XK: variants seen among roughly 807,000 people sequenced by gnomAD.
XK encodes endoplasmic reticulum membrane adapter protein XK.
Under a neutral mutation model 14.0 loss-of-function variants are expected in XK, and 2 were observed. That is an observed-to-expected ratio of 0.14 (90% CI 0.06 to 0.45). XK has a LOEUF of 0.45. Among genes scored for constraint, XK ranks in the 20% least tolerant of loss-of-function variants. XK has a pLI of 0.98. For missense variants in XK, 235 were observed against 341.5 expected (o/e 0.69, Z 2.46); for synonymous variants, 149 against 147.5 (o/e 1.01, Z -0.08).
At chrX:37,723,708 A>G (rs73631200) in intron 2 of XK, among the ~76,000 whole-genome samples, 3,683 of 111,306 alleles carry the variant, frequency 0.033, 150 homozygotes, top group African/African-American at 0.11. Flanking sequence ...ATATAACAAT[A>G]TAAATACTGT....
Position 37,727,794 on chromosome X carries a change from G to T in XK, c.667G>T (p.Val223Phe). 8.3e-7 allele frequency: 1 copy of T among 1,211,338 alleles called. No homozygotes were observed. The change falls in exon 3 of 3, where the codon GTT becomes TTT. Residue 223 changes from valine (V) to phenylalanine (F), a missense_variant. Val to Phe is a conservative substitution (Grantham distance 50). Transcript: ENST00000378616. ...LWRSFEIATR[V>F]VVLVLFTSVL... is the part of the protein sequence containing the mutation. ...GAGGAGCTTTGAGATTGCCACTCGAGTTGTAGTCCTGGTCCTCTTTACCTC... is the reference window on the plus strand; with the variant it reads ...GAGGAGCTTTGAGATTGCCACTCGATTTGTAGTCCTGGTCCTCTTTACCTC...
intron 2 of XK, among the ~76,000 whole-genome samples, chrX:37,727,050 T>C (rs984050423): frequency 9.0e-6 from 1 of 111,628 alleles, no homozygotes; most frequent in East Asian, 2.8e-4. Flanking sequence ...AAACACACCA[T>C]GTAAAGGACT....
At chrX:37,693,503 A>G (rs377373074) in intron 1 of XK, among the ~76,000 whole-genome samples, 1,147 of 8,585 alleles carry the variant, frequency 0.13, 15 homozygotes, top group African/African-American at 0.3. Context: ...GTGTGTGTGT[A>G]TGTACTTCAA....
intron 2 of XK, among the ~76,000 whole-genome samples, chrX:37,715,826 A>G (rs2146827717): frequency 8.9e-6 from 1 of 111,845 alleles, no homozygotes; most frequent in South Asian, 3.8e-4. Context: ...TTAAGTCTAC[A>G]AGACTTGAAG....
intron 2 of XK, among the ~76,000 whole-genome samples, chrX:37,702,018 A>G (rs1927427208): frequency 1.8e-5 from 2 of 112,131 alleles, no homozygotes; most frequent in Non-Finnish European, 3.8e-5. Context: ...CCTGAGAATG[A>G]AGGAAATAGC....
chrX:37,731,116 G>A lies in XK; in HGVS notation c.*2654G>A, dbSNP rs1434466317. 1 of 112,207 alleles carries A rather than the reference G, an allele frequency of 8.9e-6. No homozygotes were observed. Among genetic ancestry groups the A allele is most frequent in the African/African-American group, 3.2e-5 (1 of 30,866 alleles). 9.2% of individuals were successfully genotyped at this position (112,207 alleles called of 1,213,427 possible). ...AATTGGCAAAATTACAGTTCACACT[G>A]CAGAGCTAGGTTGTCCTATTGGCAT... On this transcript the variant is annotated 3_prime_UTR_variant, in exon 3 of 3. Coordinates refer to ENST00000378616, the MANE Select transcript of XK (RefSeq NM_021083.4).
chrX:37,707,721 A>G (rs1343454993), intron 2 of XK, among the ~76,000 whole-genome samples: 2 of 108,136 alleles, frequency 1.8e-5, no homozygotes, highest in African/African-American at 6.8e-5. Context: ...CACTTCTCAG[A>G]GTGGGCAGCC....
intron 2 of XK, among the ~76,000 whole-genome samples, chrX:37,716,387 G>A (rs1329031333): frequency 1.8e-5 from 2 of 112,273 alleles, no homozygotes; most frequent in African/African-American, 6.5e-5. Context: ...TTTGAAAAGA[G>A]GGAAGGGAAG....
In XK at chrX:37,730,821, A is replaced by G. The variant is rs1928071859; in HGVS notation, c.*2359A>G. 8.9e-6 allele frequency: 1 copy of G among 112,461 alleles called. No homozygotes were observed. Among genetic ancestry groups the G allele is most frequent in the Non-Finnish European group, 1.9e-5 (1 of 53,307 alleles). The allele number at this position is 112,461 out of a possible 1,213,427, so 9.3% of individuals were successfully genotyped here. ...TCTAAATCACTTTAATTTAGAAGAT[A>G]GGTGAGCAACTTGAGTGATCCCAAA... On this transcript the variant is annotated 3_prime_UTR_variant, in exon 3 of 3. Coordinates refer to ENST00000378616, the MANE Select transcript of XK (RefSeq NM_021083.4).
At chrX:37,708,218 G>A (rs1476442590) in intron 2 of XK, among the ~76,000 whole-genome samples, 2 of 111,397 alleles carry the variant, frequency 1.8e-5, no homozygotes, top group Non-Finnish European at 3.8e-5. Context: ...GAGGGAGACC[G>A]TGGGGAGAGG....
chrX:37,725,253 A>G (rs1277309735), intron 2 of XK, among the ~76,000 whole-genome samples: 1 of 111,801 alleles, frequency 8.9e-6, no homozygotes, highest in East Asian at 2.8e-4. Flanking sequence ...GAGATCTAAT[A>G]TACAGCATGG....
At chrX:37,695,095 G>T (rs1927283839) in intron 2 of XK, among the ~76,000 whole-genome samples, 1 of 112,249 alleles carries the variant, frequency 8.9e-6, no homozygotes, top group Admixed American at 9.4e-5. Context: ...TCAAGGGAGA[G>T]GAGAGGGAAG....
intron 1 of XK, among the ~76,000 whole-genome samples, chrX:37,687,221 A>C (rs936515696): frequency 9.3e-6 from 1 of 107,191 alleles, no homozygotes; most frequent in Non-Finnish European, 1.9e-5. Flanking sequence ...ACACACACAC[A>C]CACACGCACA....
At chrX:37,699,660 G>T (rs1422752101) in intron 2 of XK, among the ~76,000 whole-genome samples, 1 of 112,329 alleles carries the variant, frequency 8.9e-6, no homozygotes, top group Non-Finnish European at 1.9e-5. Flanking sequence ...GTATACTGAA[G>T]ACAGGACAAT....
intron 2 of XK, among the ~76,000 whole-genome samples, chrX:37,711,369 T>G (rs1334023575): frequency 2.7e-5 from 3 of 112,324 alleles, no homozygotes; most frequent in Admixed American, 9.4e-5. Flanking sequence ...TCTTCCTTTG[T>G]GCCTCAGGTC....
At chrX:37,691,831 A>C (rs1927209079) in intron 1 of XK, among the ~76,000 whole-genome samples, 1 of 111,819 alleles carries the variant, frequency 8.9e-6, no homozygotes, top group Non-Finnish European at 1.9e-5. Context: ...GTTTCCTCAC[A>C]AAAAATAAAA....
intron 2 of XK, among the ~76,000 whole-genome samples, chrX:37,724,545 C>T (rs1002875031): frequency 9.0e-6 from 1 of 111,290 alleles, no homozygotes; most frequent in Admixed American, 9.5e-5. Flanking sequence ...TATAAAATTC[C>T]TAGAAGATAA....
intron 1 of XK, among the ~76,000 whole-genome samples, chrX:37,687,080 C>T (rs1223970394): frequency 1.8e-5 from 2 of 109,336 alleles, no homozygotes; most frequent in African/African-American, 6.7e-5. Flanking sequence ...TAGACATAGG[C>T]GACAGAGGAA....
At chrX:37,717,236 G>A (rs1392096357) in intron 2 of XK, among the ~76,000 whole-genome samples, 1 of 111,143 alleles carries the variant, frequency 9.0e-6, no homozygotes, top group Non-Finnish European at 1.9e-5. Context: ...ACCACTGCTA[G>A]GGAAATAGAC....
Sources: allele counts gnomAD v4.1 joint callset (sites outside exome capture counted in the v4.1 genomes callset), GRCh38; gene constraint gnomAD v4.1.1; transcripts MANE v1.5; gene names NCBI Gene and HGNC (gene_info 2026-07-23, HGNC 2026-07-21).